Variants in GOLIM4 observed in about 807,000 individuals in gnomAD.
GOLIM4 encodes the protein golgi integral membrane protein 4.
GOLIM4 carries 71 observed loss-of-function variants against 107.4 expected under a neutral mutation model. That is an observed-to-expected ratio of 0.66 (90% CI 0.55 to 0.81). The LOEUF (loss-of-function observed/expected upper bound fraction) is 0.81, where lower values mean the gene tolerates loss of function less well. GOLIM4 is among the 30% of genes least tolerant of loss of function. GOLIM4 has a pLI of 0.00. For synonymous variants in GOLIM4, 327 were observed against 294.8 expected, an observed-to-expected ratio of 1.11 and a Z score of -1.12; for missense variants, 830 against 826.1, an observed-to-expected ratio of 1.00 and a Z score of -0.06.
intron 13 of GOLIM4, 129 bp from the exon 14 acceptor site, chr3:168,024,723 G>T: frequency 1.2e-6 from 1 of 865,234 alleles, no homozygotes; most frequent in Non-Finnish European, 1.9e-6. Context: ...GCCAGGAAAT[G>T]ATGAGTAATC....
At chr3:168,027,631 AAT>A in intron 12 of GOLIM4, 95 bp downstream of exon 12, 1 of 756,146 alleles carries the variant, frequency 1.3e-6, no homozygotes, top group South Asian at 1.5e-5. Flanking sequence ...ATATAACAGA[AAT>A]ATCTGGGGCT....
chr3:168,025,077 T>C lies in GOLIM4; in HGVS notation c.1642A>G (p.Ile548Val), dbSNP rs2108221683. The part of the protein sequence containing the change: ...SEADRAAVED[I>V]NPADDPNNQG... ...TTATTAGGGTCATCTGCTGGGTTTA[T>C]ATCTTCTACAGCTGCCCTCTGTAAA... is the stretch of plus-strand genomic sequence containing the variant. The change falls in exon 13 of 16, where the codon ATA becomes GTA. Residue 548 changes from isoleucine (I) to valine (V), a missense_variant. Ile to Val is a conservative substitution (Grantham distance 29, BLOSUM62 3). Transcript: ENST00000470487. 2 of 1,613,686 alleles carry C rather than the reference T, an allele frequency of 1.2e-6. No homozygotes were observed. Among genetic ancestry groups the C allele is most frequent in the Non-Finnish European group, 1.7e-6 (2 of 1,179,700 alleles).
At chr3:168,044,988 A>C in intron 3 of GOLIM4, 107 bp from the exon 4 acceptor site, 1 of 609,114 alleles carries the variant, frequency 1.6e-6, no homozygotes, top group South Asian at 2.5e-5. Flanking sequence ...ACTTGTGTAC[A>C]GTAAAATGAA....
At chr3:168,019,067 A>G (rs1717536556) in intron 14 of GOLIM4, among the ~76,000 whole-genome samples, 1 of 152,162 alleles carries the variant, frequency 6.6e-6, no homozygotes, top group Admixed American at 6.5e-5. Context: ...TTTACTTATG[A>G]ACCAGGCTGC....
Position 168,041,456 on chromosome 3 carries a change from C to T in GOLIM4, c.536G>A (p.Arg179Lys). 1 of 1,546,692 alleles carries T rather than the reference C, an allele frequency of 6.5e-7. No individual in the cohort carries two copies. Among genetic ancestry groups the T allele is most frequent in the South Asian group, 1.1e-5 (1 of 89,534 alleles). The change falls in exon 6 of 16, where the codon AGA (arginine) becomes AAA (lysine). Residue 179 changes from arginine (R) to lysine (K), a missense_variant. Arg to Lys is a conservative substitution (Grantham distance 26). Coordinates refer to ENST00000470487, the MANE Select transcript of GOLIM4 (RefSeq NM_014498.5). The stretch of plus-strand genomic sequence containing the variant: ...TTTCCTTAGTTGTCTATTCTCTTCT[C>T]TCAAATTGTATACAGTCTCTATTTT... ...SKLKETVYNL[R>K]EENRQLRKAH...
At chr3:168,078,296 T>C (rs968401148) in intron 1 of GOLIM4, among the ~76,000 whole-genome samples, 1 of 152,182 alleles carries the variant, frequency 6.6e-6, no homozygotes. Context: ...ATAATTTGTA[T>C]GGTAGCAAAC....
At position 168,046,932 on chromosome 3, in the gene GOLIM4, A is replaced by C. The variant is rs1719339305; in HGVS notation, c.312+18T>G. ...ATTAAGGAAAACAAACAACCACAAC[A>C]AAAAAAACAAAACTTACCCTTCCTT... On this transcript the variant is annotated intron_variant, in intron 3 of 15. Transcript: ENST00000470487. 4 of 1,253,870 alleles carry C rather than the reference A, an allele frequency of 3.2e-6. No homozygotes were observed. The highest frequency in any genetic ancestry group is 4.4e-6 in the Non-Finnish European group (4 of 911,670). The allele number at this position is 1,253,870 out of a possible 1,614,324, so 77.7% of individuals were successfully genotyped here. A position where few individuals can be genotyped will look rare whatever the true frequency, so the allele number is the denominator to read the frequency against.
chr3:168,023,406 A>C (rs901826405), intron 14 of GOLIM4, among the ~76,000 whole-genome samples: 8 of 152,254 alleles, frequency 5.3e-5, no homozygotes, highest in African/African-American at 1.9e-4. Context: ...GTTGCCAGTG[A>C]CCTTAAAGAG....
At chr3:168,022,993 C>A (rs1040962719) in intron 14 of GOLIM4, among the ~76,000 whole-genome samples, 16 of 152,130 alleles carry the variant, frequency 1.1e-4, no homozygotes, top group Admixed American at 9.2e-4. Context: ...TTTCCTCTTG[C>A]CTCTTTCTTC....
At chr3:168,027,567 T>A (rs1718063040) in intron 12 of GOLIM4, among the ~76,000 whole-genome samples, 161 bp downstream of exon 12, 2 of 152,034 alleles carry the variant, frequency 1.3e-5, no homozygotes. Flanking sequence ...TGGTTTACAG[T>A]TAAAAACACT....
intron 14 of GOLIM4, among the ~76,000 whole-genome samples, chr3:168,011,077 C>T (rs1439397996): frequency 1.3e-5 from 2 of 152,232 alleles, no homozygotes; most frequent in Admixed American, 6.5e-5. Context: ...CGGTCTACAG[C>T]TCCCAGTGTG....
chr3:168,044,934 T>A, intron 3 of GOLIM4, 53 bp from the exon 4 acceptor site: 1 of 980,436 alleles, frequency 1.0e-6, no homozygotes, highest in Non-Finnish European at 1.6e-6. Context: ...GCTCTCTTGT[T>A]AAATACAGCT....
chr3:168,065,862 G>A (rs149478665), intron 1 of GOLIM4, among the ~76,000 whole-genome samples: 1 of 152,286 alleles, frequency 6.6e-6, no homozygotes, highest in African/African-American at 2.4e-5. Flanking sequence ...TTTTTAATCT[G>A]AAAAGTATTT....
At chr3:168,010,467 T>C (rs199779226) in intron 15 of GOLIM4, 49 bp from the exon 16 acceptor site, 3 of 1,228,974 alleles carry the variant, frequency 2.4e-6, no homozygotes, top group Admixed American at 2.1e-5. Flanking sequence ...ATAGAGTTAG[T>C]GATAAATAAT....
chr3:168,015,744 A>T (rs2108209921), intron 14 of GOLIM4, among the ~76,000 whole-genome samples: 1 of 134,948 alleles, frequency 7.4e-6, no homozygotes, highest in East Asian at 2.0e-4. Context: ...TCGCATATCT[A>T]CAACTATCTG....
chr3:168,024,459 G>C, intron 14 of GOLIM4, 67 bp downstream of exon 14: 1 of 1,091,578 alleles, frequency 9.2e-7, no homozygotes. Flanking sequence ...ATACTGCTGA[G>C]GTTTGTTTAA....
intron 2 of GOLIM4, 29 bp downstream of exon 2, chr3:168,048,260 AAC>A (rs771769190): frequency 8.7e-7 from 1 of 1,148,974 alleles, no homozygotes; most frequent in Non-Finnish European, 1.3e-6. Flanking sequence ...GTACTGGAAA[AAC>A]ACAGAACACA....
At chr3:168,047,238 G>C (rs1485151787) in intron 2 of GOLIM4, among the ~76,000 whole-genome samples, 1 of 152,080 alleles carries the variant, frequency 6.6e-6, no homozygotes, top group African/African-American at 2.4e-5. Context: ...CCAAATTATA[G>C]CCAATTGATT....
intron 1 of GOLIM4, among the ~76,000 whole-genome samples, chr3:168,069,970 C>CT (rs1158087064): frequency 2.0e-5 from 3 of 152,008 alleles, no homozygotes; most frequent in Non-Finnish European, 1.5e-5. Flanking sequence ...GGTAAATACT[C>CT]TAACTTGTTT....
Sources: allele counts gnomAD v4.1 joint callset (sites outside exome capture counted in the v4.1 genomes callset), GRCh38; gene constraint gnomAD v4.1.1; transcripts MANE v1.5; gene names NCBI Gene and HGNC (gene_info 2026-07-23, HGNC 2026-07-21).